Variants in CAPRIN2 observed in about 807,000 individuals in gnomAD.
CAPRIN2 encodes caprin family member 2.
In CAPRIN2, 66 loss-of-function variants were observed where a neutral mutation model predicts 130.4. The ratio of observed to expected loss-of-function variants is 0.51; its 90% CI spans 0.42 to 0.62. The LOEUF (loss-of-function observed/expected upper bound fraction) is 0.62, where lower values mean the gene tolerates loss of function less well. Ranked by LOEUF, CAPRIN2 falls within the 20% of genes least tolerant of loss-of-function variation. The pLI is 0.00. For missense variants in CAPRIN2, 1,185 were observed against 1,246.6 expected (o/e 0.95, Z 0.74); for synonymous variants, 471 against 444.1 (o/e 1.06, Z -0.76).
At chr12:30,735,254 A>G in intron 3 of CAPRIN2, 48 bp from the exon 5 acceptor site, 1 of 1,369,902 alleles carries the variant, frequency 7.3e-7, no homozygotes, top group Non-Finnish European at 1.0e-6. Context: ...CTACCATCCC[A>G]TATTAGCAAT....
rs978395799 is a variant in CAPRIN2, at chr12:30,752,609, A to G, written c.420+735T>C. Reference sequence around the variant, plus strand: ...AAAAAAAGAGTCAACCAGACTCTAAAGAGTCTCTTCACACTCCTCCATTAA... The same window carrying G: ...AAAAAAAGAGTCAACCAGACTCTAAGGAGTCTCTTCACACTCCTCCATTAA... On this transcript the variant is annotated intron_variant, in intron 1 of 16. Transcript: ENST00000298892. 6.6e-5 allele frequency among the ~76,000 whole-genome samples: 10 copies of G among 152,156 alleles called. No individual in the cohort carries two copies. In the East Asian group the frequency reaches 1.9e-3, roughly 29 times the overall value.
intron 16 of CAPRIN2, among the ~76,000 whole-genome samples, chr12:30,711,141 A>G (rs2054336296): frequency 6.6e-6 from 1 of 152,184 alleles, no homozygotes; most frequent in African/African-American, 2.4e-5. Flanking sequence ...TCACATTTTA[A>G]AAAGTGTTAT....
At chr12:30,754,528 A>G (rs1032553479), upstream of CAPRIN2, 6 of 151,818 alleles carry the variant, frequency 4.0e-5, no homozygotes, top group Admixed American at 3.9e-4. Context: ...CACCCTTCCC[A>G]CAGCCGCCCC....
intron 3 of CAPRIN2, among the ~76,000 whole-genome samples, chr12:30,735,453 C>T (rs566013639): frequency 3.6e-4 from 55 of 152,126 alleles, no homozygotes; most frequent in Non-Finnish European, 7.6e-4. Context: ...TGTCTAGAAC[C>T]GCTAATATCA....
intron 8 of CAPRIN2, among the ~76,000 whole-genome samples, chr12:30,727,376 G>A (rs933859292): frequency 1.3e-5 from 2 of 152,058 alleles, no homozygotes; most frequent in Non-Finnish European, 2.9e-5. Flanking sequence ...TTAAGCCAAA[G>A]GTAATTTACT....
At chr12:30,752,571 T>TA (rs2074497831) in intron 1 of CAPRIN2, among the ~76,000 whole-genome samples, 1 of 97,038 alleles carries the variant, frequency 1.0e-5, no homozygotes, top group Non-Finnish European at 2.1e-5. Flanking sequence ...CTTTCTTAGG[T>TA]TAAAAAAAAA....
At chr12:30,750,775 C>T (rs773324816) in intron 2 of CAPRIN2, among the ~76,000 whole-genome samples, 3 of 152,116 alleles carry the variant, frequency 2.0e-5, no homozygotes, top group Non-Finnish European at 4.4e-5. Flanking sequence ...TCCTTCAGTC[C>T]ACTCTGGCAC....
At chr12:30,730,806 C>T (rs1203670855) in intron 6 of CAPRIN2, among the ~76,000 whole-genome samples, 1 of 152,200 alleles carries the variant, frequency 6.6e-6, no homozygotes, top group South Asian at 2.1e-4. Flanking sequence ...GCCTGGACTA[C>T]CTCCTGAGAA....
At chr12:30,730,333 T>G in intron 6 of CAPRIN2, 51 bp from the exon 8 acceptor site, 8 of 1,241,174 alleles carry the variant, frequency 6.4e-6, no homozygotes, top group Non-Finnish European at 8.3e-6. Flanking sequence ...TGTAAGTTTT[T>G]AGACAGATTA....
chr12:30,714,975 G>C lies in CAPRIN2; in HGVS notation c.2484C>G (p.Ser828=), dbSNP rs2056951089. 15 of 1,613,494 alleles carry C rather than the reference G, an allele frequency of 9.3e-6. No homozygotes were observed. The East Asian group carries it at 3.3e-4, about 36-fold the overall frequency. ...AGGGCATACCTTTATAACCACCAGGGGACCGATAGGAATTGGTTATTAATC... is the reference window on the plus strand; with the variant it reads ...AGGGCATACCTTTATAACCACCAGGCGACCGATAGGAATTGGTTATTAATC... Residue 828 remains serine, a synonymous_variant, in exon 14 of 17, where the codon TCC becomes TCG. Transcript: ENST00000298892.
At chr12:30,745,727 G>A (rs2069801872) in intron 2 of CAPRIN2, among the ~76,000 whole-genome samples, 3 of 151,666 alleles carry the variant, frequency 2.0e-5, no homozygotes, top group Admixed American at 2.0e-4. Flanking sequence ...CAAAAAAGCA[G>A]AAAAATTTTT....
intron 3 of CAPRIN2, among the ~76,000 whole-genome samples, chr12:30,737,722 C>T (rs1421192945): frequency 2.0e-5 from 3 of 151,652 alleles, no homozygotes; most frequent in Non-Finnish European, 4.4e-5. Flanking sequence ...CTCAGCCTCC[C>T]GAGTAGCTGG....
At chr12:30,733,577 T>C (rs1262461510) in intron 5 of CAPRIN2, 52 bp downstream of exon 6, 4 of 1,223,246 alleles carry the variant, frequency 3.3e-6, no homozygotes, top group African/African-American at 3.0e-5. Context: ...ACTAAACTTC[T>C]AGACATAAAG....
At chr12:30,751,907 GTATTTTTTTTTT>G (rs2074097899) in intron 1 of CAPRIN2, among the ~76,000 whole-genome samples, 1 of 123,538 alleles carries the variant, frequency 8.1e-6, no homozygotes. Context: ...ACCCACTATG[GTATTTTTTTTTT>G]TTTTTTTTTT....
intron 4 of CAPRIN2, among the ~76,000 whole-genome samples, chr12:30,734,284 C>T (rs974525188): frequency 1.3e-5 from 2 of 152,042 alleles, no homozygotes; most frequent in African/African-American, 2.4e-5. Flanking sequence ...TTCTGGTAAC[C>T]GTTGAAATCT....
At chr12:30,737,345 C>A (rs1263219536) in intron 3 of CAPRIN2, among the ~76,000 whole-genome samples, 8 of 152,018 alleles carry the variant, frequency 5.3e-5, no homozygotes. Context: ...TACTGTTCAC[C>A]AATATTCACT....
At chr12:30,742,377 T>C (rs2067896346) in intron 2 of CAPRIN2, among the ~76,000 whole-genome samples, 1 of 152,072 alleles carries the variant, frequency 6.6e-6, no homozygotes. Context: ...TTTTTACCTA[T>C]GAAGTTAATC....
exon 17 of CAPRIN2, chr12:30,709,885 C>CA: frequency 6.3e-7 from 1 of 1,583,722 alleles, no homozygotes; most frequent in Non-Finnish European, 8.6e-7. Flanking sequence ...CTTTTATTGT[C>CA]AATACTGTAC....
intron 2 of CAPRIN2, among the ~76,000 whole-genome samples, chr12:30,742,685 CAA>C (rs35509783): frequency 2.1e-5 from 3 of 142,342 alleles, no homozygotes; most frequent in Non-Finnish European, 3.1e-5. Flanking sequence ...AACAGGGCAG[CAA>C]AAAAAAAAAA....
Sources: gnomAD v4.1 joint callset for allele counts (sites outside exome capture counted in the v4.1 genomes callset) on GRCh38, gnomAD v4.1.1 for gene constraint, MANE v1.5 for transcripts, NCBI Gene and HGNC (gene_info 2026-07-23, HGNC 2026-07-21) for gene names.